The following SLC25A26 variants were observed in gnomAD, a reference collection of about 807,000 sequenced individuals.
SLC25A26 encodes solute carrier family 25 member 26.
In SLC25A26, 36 loss-of-function variants were observed where a neutral mutation model predicts 37.8. The observed-to-expected ratio is 0.95, with a 90% CI of 0.73 to 1.26. The LOEUF (loss-of-function observed/expected upper bound fraction) is 1.26. SLC25A26 is among the 50% of genes most tolerant of loss of function. The pLI, the probability that SLC25A26 is intolerant of heterozygous loss-of-function variation, is 0.00. For missense variants in SLC25A26, 390 were observed against 331.1 expected (o/e 1.18, Z -1.38); for synonymous variants, 129 against 122.5 (o/e 1.05, Z -0.35).
At chr3:66,297,936 C>G (rs1387420530) in intron 5 of SLC25A26, among the ~76,000 whole-genome samples, 1 of 152,148 alleles carries the variant, frequency 6.6e-6, no homozygotes. Context: ...AAGGATATAG[C>G]ATATCATTTC....
intron 5 of SLC25A26, among the ~76,000 whole-genome samples, chr3:66,297,096 G>A (rs1576820670): frequency 6.6e-6 from 1 of 152,204 alleles, no homozygotes; most frequent in African/African-American, 2.4e-5. Flanking sequence ...AGGCTGAGGC[G>A]GGTGGATCAC....
chr3:66,312,566 C>G (rs543117154), intron 5 of SLC25A26, among the ~76,000 whole-genome samples: 34 of 152,174 alleles, frequency 2.2e-4, no homozygotes, highest in African/African-American at 7.0e-4. Context: ...AAAAAAACTC[C>G]TGCACCTAGC....
At chr3:66,361,842 C>T (rs2076715023) in intron 6 of SLC25A26, among the ~76,000 whole-genome samples, 1 of 152,126 alleles carries the variant, frequency 6.6e-6, no homozygotes, top group Admixed American at 6.5e-5. Context: ...TGGCAGGCGC[C>T]TGTAGTCGCA....
At chr3:66,350,692 C>CTGTGTGTG (rs147526506) in intron 6 of SLC25A26, among the ~76,000 whole-genome samples, 2 of 134,938 alleles carry the variant, frequency 1.5e-5, no homozygotes, top group East Asian at 3.3e-4. Flanking sequence ...GCCCTATACT[C>CTGTGTGTG]TGTGTGTGTG....
chr3:66,209,113 T>C lies in SLC25A26; in HGVS notation c.-353-11629T>C, dbSNP rs1392511189. Among the ~76,000 whole-genome samples, 259 of 98,430 alleles carry C rather than the reference T, an allele frequency of 2.6e-3. 4 individuals carry two copies. Among genetic ancestry groups the C allele is most frequent in the Non-Finnish European group, 3.2e-3 (168 of 52,072 alleles). 64.6% of individuals were successfully genotyped at this position (98,430 alleles called of 152,430 possible). On this transcript the variant is annotated intron_variant, in intron 1 of 10. Coordinates refer to the SLC25A26 transcript ENST00000676754. The stretch of plus-strand genomic sequence containing the variant: ...ATGTATATATATATATATATATATA[T>C]ACACAAAAAGATATATATACCTTTT...
chr3:66,221,411 G>C (rs1426613604), intron 1 of SLC25A26, among the ~76,000 whole-genome samples: 1 of 152,162 alleles, frequency 6.6e-6, no homozygotes, highest in Non-Finnish European at 1.5e-5. Context: ...ATTATACACT[G>C]TTAACTACTC....
chr3:66,319,299 T>G (rs1201189451), intron 5 of SLC25A26, among the ~76,000 whole-genome samples: 1 of 151,964 alleles, frequency 6.6e-6, no homozygotes, highest in Non-Finnish European at 1.5e-5. Flanking sequence ...GTCGAGGGAG[T>G]GCCAGAGACA....
intron 1 of SLC25A26, among the ~76,000 whole-genome samples, chr3:66,158,282 G>T (rs1200004655): frequency 6.6e-6 from 1 of 152,146 alleles, no homozygotes; most frequent in African/African-American, 2.4e-5. Flanking sequence ...GTTGTAGCAT[G>T]TATTATTCTT....
chr3:66,364,630 A>G (rs1033102223), intron 7 of SLC25A26, among the ~76,000 whole-genome samples: 1 of 152,184 alleles, frequency 6.6e-6, no homozygotes, highest in Admixed American at 6.5e-5. Flanking sequence ...GCTTGAGATA[A>G]TGTATGGTCA....
chr3:66,260,485 AATAACT>A (rs1263942799), intron 3 of SLC25A26, among the ~76,000 whole-genome samples: 2 of 152,260 alleles, frequency 1.3e-5, no homozygotes, highest in East Asian at 3.8e-4. Flanking sequence ...TTGGTAGAAA[AATAACT>A]TCAGGTTATG....
At chr3:66,224,741 C>G (rs781970834) in intron 1 of SLC25A26, among the ~76,000 whole-genome samples, 20 of 152,216 alleles carry the variant, frequency 1.3e-4, no homozygotes, top group Non-Finnish European at 2.4e-4. Context: ...AAGCAAGTCC[C>G]TTCTGCCTAT....
chr3:66,221,172 C>T, intron 1 of SLC25A26, 45 bp downstream of exon 1: 5 of 1,499,898 alleles, frequency 3.3e-6, no homozygotes, highest in Non-Finnish European at 4.4e-6. Context: ...TGCCGGCGTC[C>T]GGCATTGGAG....
chr3:66,237,840 C>G (rs574366307), intron 2 of SLC25A26, among the ~76,000 whole-genome samples: 1 of 152,130 alleles, frequency 6.6e-6, no homozygotes, highest in Admixed American at 6.5e-5. Context: ...TTTTGTTTTT[C>G]GCAGGATGAT....
intron 2 of SLC25A26, among the ~76,000 whole-genome samples, chr3:66,241,442 T>C (rs2072579793): frequency 6.6e-6 from 1 of 152,200 alleles, no homozygotes; most frequent in African/African-American, 2.4e-5. Context: ...ACATATTGCA[T>C]AGAAAGATTA....
chr3:66,364,114 G>A (rs370848362), intron 7 of SLC25A26, among the ~76,000 whole-genome samples: 1 of 152,132 alleles, frequency 6.6e-6, no homozygotes, highest in African/African-American at 2.4e-5. Context: ...ACTTTTTAAA[G>A]TTAGCAATAC....
chr3:66,180,660 C>T (rs146183777), intron 1 of SLC25A26, among the ~76,000 whole-genome samples: 32 of 151,972 alleles, frequency 2.1e-4, no homozygotes, highest in African/African-American at 7.2e-4. Context: ...AATTTTGCTG[C>T]AGTGCCTGTT....
chr3:66,198,390 T>C (rs1348185009), intron 1 of SLC25A26, among the ~76,000 whole-genome samples: 1 of 152,076 alleles, frequency 6.6e-6, no homozygotes, highest in Non-Finnish European at 1.5e-5. Flanking sequence ...GTCAGGGACA[T>C]AGTGGTCATA....
chr3:66,362,918 G>C lies in SLC25A26; in HGVS notation c.557G>C (p.Gly186Ala). The change falls in exon 7 of 10, where the codon GGA (glycine) becomes GCA (alanine). Residue 186 changes from glycine to alanine, a missense_variant. Coordinates refer to ENST00000354883, the MANE Select transcript of SLC25A26 (RefSeq NM_001379210.1). ...GATTCTTGGCAGTCAGCAGTCTGTGGAGCTTTTGCAGGTGCAAAGGATTAT... is the reference window on the plus strand; with the variant it reads ...GATTCTTGGCAGTCAGCAGTCTGTGCAGCTTTTGCAGGTGCAAAGGATTAT... ...VVDSWQSAVC[G>A]AFAGGFAAAV... 2 of 1,606,248 alleles carry C rather than the reference G, an allele frequency of 1.2e-6. No individual in the cohort carries two copies. Among genetic ancestry groups the C allele is most frequent in the Non-Finnish European group, 1.7e-6 (2 of 1,175,986 alleles).
intron 1 of SLC25A26, among the ~76,000 whole-genome samples, chr3:66,147,844 C>T (rs966087549): frequency 6.6e-6 from 1 of 152,002 alleles, no homozygotes; most frequent in South Asian, 2.1e-4. Flanking sequence ...CTGCAACCTC[C>T]GCCTCCTGGG....
Sources: gnomAD v4.1 joint callset for allele counts (sites outside exome capture counted in the v4.1 genomes callset) on GRCh38, gnomAD v4.1.1 for gene constraint, MANE v1.5 for transcripts, NCBI Gene and HGNC (gene_info 2026-07-23, HGNC 2026-07-21) for gene names.